GDE1: variants seen among roughly 807,000 people sequenced by gnomAD.
GDE1 encodes RGS16-interacting membrane protein.
GDE1 carries 24 observed loss-of-function variants against 32.2 expected under a neutral mutation model. That is an observed-to-expected ratio of 0.75 (90% CI 0.54 to 1.05). The LOEUF is 1.05. Among genes scored for constraint, GDE1 ranks in the 50% least tolerant of loss-of-function variants. The probability of loss-of-function intolerance (pLI) is 0.00; values close to 1 mark genes in which losing one functional copy is unlikely to be tolerated. For missense variants in GDE1, 380 were observed against 415.0 expected, an observed-to-expected ratio of 0.92 and a Z score of 0.73; for synonymous variants, 159 against 158.6, an observed-to-expected ratio of 1.00 and a Z score of -0.02.
Position 19,507,728 on chromosome 16 carries a change from T to C in GDE1, c.595A>G (p.Asn199Asp). ...GGCAAGAAAGAACAGACCACACTAT[T>C]ATTATACAGTTGAGGAAATTCCATA... ...MYMEFPQLYN[N>D]SVVCSFLPEV... Residue 199 changes from asparagine (N) to aspartate (D), a missense_variant, in exon 4 of 6, where the codon AAT (asparagine) becomes GAT (aspartate). Physicochemically the swap from Asn to Asp is conservative, Grantham distance 23. Coordinates refer to ENST00000353258, the MANE Select transcript of GDE1 (RefSeq NM_016641.4). 2 of 1,583,168 alleles carry C rather than the reference T, an allele frequency of 1.3e-6. No individual in the cohort carries two copies. Among genetic ancestry groups the C allele is most frequent in the Non-Finnish European group, 1.7e-6 (2 of 1,152,054 alleles).
intron 2 of GDE1, among the ~76,000 whole-genome samples, chr16:19,514,896 G>A (rs1429788316): frequency 5.3e-5 from 8 of 151,864 alleles, no homozygotes; most frequent in South Asian, 2.1e-4. Context: ...GCGAAACCCC[G>A]TTTCTACTAA....
chr16:19,508,309 A>G (rs538737889), intron 3 of GDE1, among the ~76,000 whole-genome samples: 52 of 152,182 alleles, frequency 3.4e-4, no homozygotes, highest in Non-Finnish European at 5.6e-4. Context: ...GGGGCTCCCA[A>G]TTCTTCCCAA....
Position 19,521,738 on chromosome 16 carries a change from T to C in GDE1, c.227A>G (p.Asp76Gly). Residue 76 changes from aspartate to glycine, a missense_variant, in exon 1 of 6, where the codon GAC (aspartate) becomes GGC (glycine). Physicochemically the swap from Asp to Gly is moderately conservative, Grantham distance 94 (BLOSUM62 -1). Coordinates refer to ENST00000353258, the MANE Select transcript of GDE1 (RefSeq NM_016641.4). ...SAIAHRGGSH[D>G]APENTLAAIR... is the part of the protein sequence containing the mutation. ...GGCCGCCAGCGTGTTCTCGGGCGCG[T>C]CGTGGCTGCCGCCACGGTGGGCGAT... 6.2e-7 allele frequency: 1 copy of C among 1,611,668 alleles called. No homozygotes were observed. The highest frequency in any genetic ancestry group is 8.5e-7 in the Non-Finnish European group (1 of 1,179,528).
At position 19,502,710 on chromosome 16, in the gene GDE1, TCATTTGTAAAATGAGGA is replaced by T. The variant is rs1257443765; in HGVS notation, c.*743_*759del. 1 of 152,166 alleles carries T rather than the reference TCATTTGTAAAATGAGGA, an allele frequency of 6.6e-6. No individual in the cohort carries two copies. The highest frequency in any genetic ancestry group is 1.5e-5 in the Non-Finnish European group (1 of 68,032). The allele number at this position is 152,166 out of a possible 1,614,324, so 9.4% of individuals were successfully genotyped here. A position where few individuals can be genotyped will look rare whatever the true frequency, so the allele number is the denominator to read the frequency against. On this transcript the variant is annotated 3_prime_UTR_variant, in exon 6 of 6. Transcript: ENST00000353258. ...TTCCCTTCCACAGAGTTTAGTTTCC[TCATTTGTAAAATGAGGA>T]CAAACCTAGATATTTTTGGAAGTTT...
intron 3 of GDE1, among the ~76,000 whole-genome samples, chr16:19,509,721 C>T (rs536136744): frequency 9.4e-5 from 14 of 149,574 alleles, no homozygotes; most frequent in Middle Eastern, 3.5e-3. Context: ...GTACTACTGG[C>T]GCAATCTCGG....
At position 19,522,094 on chromosome 16, in the gene GDE1, A is replaced by C. The variant is rs773057998; in HGVS notation, c.-130T>G. The C allele has an allele frequency of 5.9e-5, 55 of 936,482 alleles. No homozygotes were observed. The highest frequency in any genetic ancestry group is 8.5e-5 in the Non-Finnish European group (55 of 646,764). 58.0% of individuals were successfully genotyped at this position (936,482 alleles called of 1,614,324 possible). On this transcript the variant is annotated 5_prime_UTR_variant, in exon 1 of 6. Transcript: ENST00000353258. ...AACCCTCTGAGGGGACCAGCGCCGC[A>C]CAATGGCGGCAGCAGACACATCCAG...
At chr16:19,507,426 G>A (rs1392828403) in intron 4 of GDE1, among the ~76,000 whole-genome samples, 4 of 152,132 alleles carry the variant, frequency 2.6e-5, no homozygotes, top group Non-Finnish European at 2.9e-5. Flanking sequence ...ATTCTTTTCT[G>A]TTGTGAGAAT....
At chr16:19,516,123 C>A (rs1969377480) in intron 2 of GDE1, among the ~76,000 whole-genome samples, 2 of 152,148 alleles carry the variant, frequency 1.3e-5, no homozygotes, top group Admixed American at 1.3e-4. Context: ...TTTTGCAGAA[C>A]ATCTTGTAAG....
intron 1 of GDE1, among the ~76,000 whole-genome samples, chr16:19,520,928 G>A (rs1969445564): frequency 6.6e-6 from 1 of 152,118 alleles, no homozygotes; most frequent in Non-Finnish European, 1.5e-5. Context: ...AAAGGAGGGG[G>A]CAGAAACTGA....
intron 2 of GDE1, among the ~76,000 whole-genome samples, chr16:19,516,420 T>C (rs1333142433): frequency 6.6e-6 from 1 of 152,210 alleles, no homozygotes; most frequent in Non-Finnish European, 1.5e-5. Context: ...GCTATTTCAG[T>C]TTAAATTTAC....
chr16:19,502,880 G>T lies in GDE1; in HGVS notation c.*590C>A, dbSNP rs1444768072. On this transcript the variant is annotated 3_prime_UTR_variant, in exon 6 of 6. Transcript: ENST00000353258. ...TTCAAGATGCTATAAATCCCTCATT[G>T]GCTTCAAGACCTCCCTACCATTTTG... is the stretch of plus-strand genomic sequence containing the variant. 2 of 152,246 alleles carry T rather than the reference G, an allele frequency of 1.3e-5. No homozygotes were observed. The highest frequency in any genetic ancestry group is 4.8e-5 in the African/African-American group (2 of 41,442). 9.4% of individuals were successfully genotyped at this position (152,246 alleles called of 1,614,324 possible).
chr16:19,519,310 G>A (rs1969419476), intron 1 of GDE1, among the ~76,000 whole-genome samples: 1 of 152,038 alleles, frequency 6.6e-6, no homozygotes. Context: ...CCTTGGGGTA[G>A]GTGAAAGGAG....
chr16:19,504,681 A>G (rs1236967194), intron 5 of GDE1, 200 bp downstream of exon 5: 3 of 531,118 alleles, frequency 5.6e-6, no homozygotes, highest in Non-Finnish European at 1.0e-5. Context: ...AACCGAAAAT[A>G]TGTGATCGAC....
chr16:19,521,411 C>T (rs1182602092), intron 1 of GDE1: 2 of 415,906 alleles, frequency 4.8e-6, no homozygotes, highest in East Asian at 7.1e-5. Flanking sequence ...CTTGCCTCCC[C>T]CATTCCGATG....
chr16:19,513,545 T>C (rs1969344997), intron 2 of GDE1, among the ~76,000 whole-genome samples: 1 of 152,220 alleles, frequency 6.6e-6, no homozygotes, highest in Non-Finnish European at 1.5e-5. Flanking sequence ...AAAATCATGT[T>C]GTCAGCAAAG....
intron 4 of GDE1, among the ~76,000 whole-genome samples, chr16:19,506,623 G>C (rs997607495): frequency 5.3e-5 from 8 of 152,110 alleles, no homozygotes; most frequent in African/African-American, 1.9e-4. Context: ...CTGGGCGACA[G>C]AGCAAGACTC....
intron 3 of GDE1, 69 bp from the exon 4 acceptor site, chr16:19,507,848 A>G (rs777991623): frequency 1.5e-4 from 110 of 736,866 alleles, no homozygotes; most frequent in African/African-American, 3.7e-4. Flanking sequence ...GCCAATAACT[A>G]TCACATATTA....
intron 1 of GDE1, among the ~76,000 whole-genome samples, chr16:19,518,678 C>T (rs953733050): frequency 6.6e-6 from 1 of 152,068 alleles, no homozygotes; most frequent in Admixed American, 6.6e-5. Flanking sequence ...ATTTAAGTAC[C>T]CATAAACAAC....
intron 4 of GDE1, among the ~76,000 whole-genome samples, chr16:19,506,484 T>C (rs1206106644): frequency 6.6e-6 from 1 of 152,052 alleles, no homozygotes. Flanking sequence ...ACCCCGTCTC[T>C]ACTAAAATAC....
Sources: allele counts gnomAD v4.1 joint callset (sites outside exome capture counted in the v4.1 genomes callset), GRCh38; gene constraint gnomAD v4.1.1; transcripts MANE v1.5; gene names NCBI Gene and HGNC (gene_info 2026-07-23, HGNC 2026-07-21).